Variants in ROBO2 observed in about 807,000 individuals in gnomAD.
The protein encoded by ROBO2 is roundabout guidance receptor 2, also known as roundabout homolog 2.
In ROBO2, 53 loss-of-function variants were observed where a neutral mutation model predicts 160.8. That is an observed-to-expected ratio of 0.33 (90% CI 0.26 to 0.41). ROBO2 has a LOEUF of 0.41. Among genes scored for constraint, ROBO2 ranks in the 10% least tolerant of loss-of-function variants. The pLI, the probability that ROBO2 is intolerant of heterozygous loss-of-function variation, is 1.00. For synonymous variants in ROBO2, 664 were observed against 611.7 expected, an observed-to-expected ratio of 1.09 and a Z score of -1.26; for missense variants, 1,577 against 1,722.4, an observed-to-expected ratio of 0.92 and a Z score of 1.49.
rs142078250 is a variant in ROBO2, at chr3:77,087,135, A to G, written c.62-10879A>G. 6.6e-5 allele frequency among the ~76,000 whole-genome samples: 10 copies of G among 152,288 alleles called. No individual in the cohort carries two copies. The East Asian group carries it at 1.7e-3, about 26-fold the overall frequency. On this transcript the variant is annotated intron_variant, in intron 1 of 25. Transcript: ENST00000461745. ...TCAGAATATAGAAACAGAAGGAAAT[A>G]TAATAGAAAGTCAAAATGATATCAC...
At chr3:76,796,342 C>T (rs1305391068) in intron 2 of ROBO2, among the ~76,000 whole-genome samples, 2 of 150,206 alleles carry the variant, frequency 1.3e-5, no homozygotes, top group Non-Finnish European at 3.0e-5. Flanking sequence ...GATATCAAAA[C>T]ATCTACAATA....
intron 2 of ROBO2, among the ~76,000 whole-genome samples, chr3:75,979,986 A>G (rs1486936185): frequency 1.3e-5 from 2 of 151,604 alleles, no homozygotes; most frequent in East Asian, 1.9e-4. Flanking sequence ...AATTATATGC[A>G]TCATACAAAA....
intron 2 of ROBO2, among the ~76,000 whole-genome samples, chr3:76,380,874 G>A (rs186733696): frequency 6.6e-6 from 1 of 152,092 alleles, no homozygotes; most frequent in African/African-American, 2.4e-5. Flanking sequence ...AATAAGTAAT[G>A]ACCATTTCCA....
intron 2 of ROBO2, among the ~76,000 whole-genome samples, chr3:76,697,693 C>A (rs1665043386): frequency 6.6e-6 from 1 of 151,868 alleles, no homozygotes; most frequent in Non-Finnish European, 1.5e-5. Context: ...AAATATTAGA[C>A]AATTGTATTA....
chr3:76,622,249 A>AGAAAGAAAGAAGGAAAGAAAGAAAGAAG, intron 2 of ROBO2, among the ~76,000 whole-genome samples: 1 of 52,676 alleles, frequency 1.9e-5, no homozygotes, highest in Admixed American at 1.8e-4. Flanking sequence ...AAAGAAAGAA[A>AGAAAGAAAGAAGGAAAGAAAGAAAGAAG]GAAAGAAAGA....
At chr3:75,945,477 G>T (rs566351937) in intron 2 of ROBO2, among the ~76,000 whole-genome samples, 1 of 152,106 alleles carries the variant, frequency 6.6e-6, no homozygotes, top group Admixed American at 6.6e-5. Flanking sequence ...CTTGGCTATG[G>T]TTTGAAGTGA....
chr3:76,462,157 A>G (rs1266332152), intron 2 of ROBO2, among the ~76,000 whole-genome samples: 1 of 152,196 alleles, frequency 6.6e-6, no homozygotes, highest in East Asian at 1.9e-4. Flanking sequence ...GTGATTTATC[A>G]AAGACTATTA....
intron 2 of ROBO2, among the ~76,000 whole-genome samples, chr3:76,922,371 C>T (rs1162038774): frequency 6.6e-6 from 1 of 152,226 alleles, no homozygotes; most frequent in South Asian, 2.1e-4. Flanking sequence ...ACAAAGGAGT[C>T]GGGTAATTCA....
chr3:77,621,797 A>G (rs1463646619), intron 22 of ROBO2, among the ~76,000 whole-genome samples: 4 of 152,136 alleles, frequency 2.6e-5, no homozygotes, highest in Non-Finnish European at 5.9e-5. Flanking sequence ...TCCTCATGTG[A>G]CATCTTTTCT....
chr3:76,227,707 A>G (rs144254076), intron 2 of ROBO2, among the ~76,000 whole-genome samples: 54 of 152,332 alleles, frequency 3.5e-4, no homozygotes, highest in Admixed American at 7.2e-4. Flanking sequence ...GGTGTGATTT[A>G]AGACCAACGG....
At chr3:76,172,239 G>A (rs962669949) in intron 2 of ROBO2, among the ~76,000 whole-genome samples, 5 of 148,720 alleles carry the variant, frequency 3.4e-5, no homozygotes, top group African/African-American at 1.2e-4. Flanking sequence ...ATTGAACAAT[G>A]AGAACACATG....
chr3:77,140,345 T>C (rs2076608664), intron 2 of ROBO2, among the ~76,000 whole-genome samples: 1 of 152,152 alleles, frequency 6.6e-6, no homozygotes, highest in African/African-American at 2.4e-5. Flanking sequence ...AGGACCATTA[T>C]AGGAATACAG....
intron 2 of ROBO2, among the ~76,000 whole-genome samples, chr3:76,057,283 T>G (rs1490259513): frequency 6.6e-6 from 1 of 152,172 alleles, no homozygotes; most frequent in East Asian, 1.9e-4. Flanking sequence ...CTCTCCATCC[T>G]TGGGTTTATA....
At chr3:76,508,433 C>T (rs1042910295) in intron 2 of ROBO2, among the ~76,000 whole-genome samples, 1 of 152,036 alleles carries the variant, frequency 6.6e-6, no homozygotes, top group African/African-American at 2.4e-5. Context: ...TAATACATTC[C>T]TTGCAACAAT....
At chr3:76,285,580 C>A (rs540162908) in intron 2 of ROBO2, among the ~76,000 whole-genome samples, 3 of 151,706 alleles carry the variant, frequency 2.0e-5, no homozygotes, top group Admixed American at 6.6e-5. Context: ...TTTTTAAAAT[C>A]GAATGTTCTT....
chr3:77,053,114 T>A (rs904058653), intron 1 of ROBO2, among the ~76,000 whole-genome samples: 4 of 152,216 alleles, frequency 2.6e-5, no homozygotes, highest in Admixed American at 2.0e-4. Flanking sequence ...ATAAAATTGC[T>A]CAAGGTTTAT....
chr3:76,254,880 G>C (rs895451357), intron 2 of ROBO2, among the ~76,000 whole-genome samples: 1 of 151,978 alleles, frequency 6.6e-6, no homozygotes, highest in African/African-American at 2.4e-5. Context: ...TAAGTAAAAT[G>C]TACCCAGGAG....
At chr3:77,432,254 A>T (rs1308680192) in intron 2 of ROBO2, among the ~76,000 whole-genome samples, 3 of 152,184 alleles carry the variant, frequency 2.0e-5, no homozygotes, top group Non-Finnish European at 4.4e-5. Context: ...AAGGAATGAC[A>T]TTTTATATAC....
Position 76,844,878 on chromosome 3 carries a change from G to A in ROBO2, c.110-253136G>A, listed in dbSNP as rs1468847116. On this transcript the variant is annotated intron_variant, in intron 2 of 26. Transcript: ENST00000487694. ...AATCAACAAAGTAGTAGTGACTTTA[G>A]ATGAGTATAAAGCAAAGTGAGGACT... 2.7e-5 allele frequency among the ~76,000 whole-genome samples: 4 copies of A among 148,288 alleles called. No individual in the cohort carries two copies. The South Asian group carries it at 8.9e-4, about 33-fold the overall frequency.
Sources: gnomAD v4.1 joint callset for allele counts (sites outside exome capture counted in the v4.1 genomes callset) on GRCh38, gnomAD v4.1.1 for gene constraint, MANE v1.5 for transcripts, NCBI Gene and HGNC (gene_info 2026-07-23, HGNC 2026-07-21) for gene names.